Variants in HTR2C observed in about 807,000 individuals in gnomAD.
HTR2C encodes the protein 5-hydroxytryptamine (serotonin) receptor 2C, G protein-coupled.
HTR2C carries 5 observed loss-of-function variants against 21.0 expected under a neutral mutation model. The observed-to-expected ratio is 0.24, with a 90% CI of 0.12 to 0.50. The LOEUF (loss-of-function observed/expected upper bound fraction) is 0.50. Ranked by LOEUF, HTR2C falls within the 20% of genes least tolerant of loss-of-function variation. HTR2C has a pLI of 0.98. For missense variants in HTR2C, 271 were observed against 371.2 expected, an observed-to-expected ratio of 0.73 and a Z score of 2.22; for synonymous variants, 150 against 145.3, an observed-to-expected ratio of 1.03 and a Z score of -0.23.
intron 2 of HTR2C, among the ~76,000 whole-genome samples, chrX:114,716,795 G>C (rs1933006883): frequency 9.0e-6 from 1 of 111,171 alleles, no homozygotes; most frequent in African/African-American, 3.3e-5. Context: ...GATAATTTTT[G>C]AATTAAATGA....
At chrX:114,700,026 A>G (rs1314838083) in intron 2 of HTR2C, among the ~76,000 whole-genome samples, 1 of 112,040 alleles carries the variant, frequency 8.9e-6, no homozygotes, top group Non-Finnish European at 1.9e-5. Context: ...CGTAATAAAT[A>G]GATCTCTTCA....
chrX:114,692,089 T>C (rs1411694246), intron 2 of HTR2C, among the ~76,000 whole-genome samples: 8 of 112,059 alleles, frequency 7.1e-5, no homozygotes, highest in African/African-American at 2.6e-4. Flanking sequence ...CAGAAGTATT[T>C]AGTTTGACTA....
chrX:114,655,209 G>A (rs992247398), intron 2 of HTR2C, among the ~76,000 whole-genome samples: 3 of 110,882 alleles, frequency 2.7e-5, no homozygotes, highest in Non-Finnish European at 5.7e-5. Context: ...TTCTAAGAGG[G>A]TGATGTATTT....
intron 4 of HTR2C, among the ~76,000 whole-genome samples, chrX:114,806,067 C>CAT (rs1237864424): frequency 1.0e-5 from 1 of 98,267 alleles, no homozygotes; most frequent in Non-Finnish European, 2.0e-5. Flanking sequence ...ATATATACAC[C>CAT]ATATATACAC....
intron 5 of HTR2C, among the ~76,000 whole-genome samples, chrX:114,903,142 A>T (rs782548381): frequency 6.7e-4 from 74 of 110,024 alleles, no homozygotes; most frequent in Non-Finnish European, 1.1e-3. Context: ...CTTACCTTTT[A>T]TTTTTTTTTA....
At chrX:114,601,090 A>C (rs1928065352) in intron 1 of HTR2C, among the ~76,000 whole-genome samples, 1 of 112,235 alleles carries the variant, frequency 8.9e-6, no homozygotes, top group Non-Finnish European at 1.9e-5. Context: ...AAACCTATAG[A>C]ATATCCAGAA....
chrX:114,675,035 G>A (rs1470782746), intron 2 of HTR2C, among the ~76,000 whole-genome samples: 1 of 112,167 alleles, frequency 8.9e-6, no homozygotes, highest in Admixed American at 9.5e-5. Context: ...TGGGCCAGTT[G>A]CTACCTTTTG....
chrX:114,599,014 T>C (rs1205537920), intron 1 of HTR2C, among the ~76,000 whole-genome samples: 1 of 111,737 alleles, frequency 8.9e-6, no homozygotes, highest in Non-Finnish European at 1.9e-5. Flanking sequence ...CATGGTTCAC[T>C]GCCTCTTGAA....
At chrX:114,753,019 G>A (rs1556428585) in intron 4 of HTR2C, among the ~76,000 whole-genome samples, 1 of 110,665 alleles carries the variant, frequency 9.0e-6, no homozygotes, top group African/African-American at 3.3e-5. Flanking sequence ...TAATTTGATA[G>A]ACATTTATAA....
At chrX:114,788,353 C>T (rs781850727) in intron 4 of HTR2C, among the ~76,000 whole-genome samples, 50 of 110,648 alleles carry the variant, frequency 4.5e-4, no homozygotes, top group Non-Finnish European at 7.8e-4. Context: ...CTCTGCTTCC[C>T]GGGTTCAAGC....
At chrX:114,881,294 A>G (rs1183730112) in intron 5 of HTR2C, among the ~76,000 whole-genome samples, 1 of 110,834 alleles carries the variant, frequency 9.0e-6, no homozygotes, top group African/African-American at 3.3e-5. Flanking sequence ...GTCTCCCATT[A>G]TTTTAGTTGT....
chrX:114,821,696 A>T lies in HTR2C; in HGVS notation c.350-26307A>T, dbSNP rs782767853. ...AATATTTCTGAATATGTCATTAGTT[A>T]TTAAGAAGATTACTATAAAAAGCAG... is the stretch of plus-strand genomic sequence containing the variant. On this transcript the variant is annotated intron_variant, in intron 4 of 5. Coordinates refer to ENST00000276198, the MANE Select transcript of HTR2C (RefSeq NM_000868.4). 4.5e-5 allele frequency among the ~76,000 whole-genome samples: 5 copies of T among 110,964 alleles called. No individual in the cohort carries two copies. The East Asian group carries it at 1.1e-3, about 25-fold the overall frequency.
chrX:114,879,155 G>T lies in HTR2C; in HGVS notation c.551-27434G>T, dbSNP rs782180660. On this transcript the variant is annotated intron_variant, in intron 5 of 5. Transcript: ENST00000276198. ...TGTCAGTTTTTGCTTCATGTATTTT[G>T]GGGCTCTGTTAGTAGGTGCAAATAT... Among the ~76,000 whole-genome samples, 580 of 107,138 alleles carry T rather than the reference G, an allele frequency of 5.4e-3. 5 individuals carry two copies. Among genetic ancestry groups the T allele is most frequent in the African/African-American group, 0.019 (558 of 29,692 alleles). 93.0% of individuals were successfully genotyped at this position (107,138 alleles called of 115,157 possible). A position where few individuals can be genotyped will look rare whatever the true frequency, so the allele number is the denominator to read the frequency against.
chrX:114,789,286 T>A (rs781961412), intron 4 of HTR2C, among the ~76,000 whole-genome samples: 1 of 110,204 alleles, frequency 9.1e-6, no homozygotes, highest in Non-Finnish European at 1.9e-5. Context: ...GTGTAGGTCT[T>A]GTTTTGTTAC....
intron 4 of HTR2C, among the ~76,000 whole-genome samples, chrX:114,742,211 T>C (rs920800161): frequency 4.5e-5 from 5 of 111,627 alleles, no homozygotes; most frequent in African/African-American, 1.6e-4. Context: ...GGGAACCCCA[T>C]AGAGTAGACA....
intron 4 of HTR2C, among the ~76,000 whole-genome samples, chrX:114,744,456 CTT>C (rs782167644): frequency 5.4e-4 from 51 of 94,416 alleles, no homozygotes; most frequent in Non-Finnish European, 3.6e-4. Flanking sequence ...AAAGCTCATT[CTT>C]TTTTTTTTTT....
intron 2 of HTR2C, among the ~76,000 whole-genome samples, chrX:114,686,733 C>T (rs1464759776): frequency 3.6e-5 from 4 of 110,131 alleles, no homozygotes; most frequent in African/African-American, 1.3e-4. Context: ...TTACAAAATA[C>T]TTATGGCACA....
At chrX:114,677,053 G>A (rs900145447) in intron 2 of HTR2C, among the ~76,000 whole-genome samples, 6 of 111,919 alleles carry the variant, frequency 5.4e-5, no homozygotes, top group Non-Finnish European at 1.1e-4. Context: ...ACATAATATG[G>A]TTTGTGTTAG....
intron 2 of HTR2C, among the ~76,000 whole-genome samples, chrX:114,617,356 C>T (rs900820567): frequency 9.0e-6 from 1 of 111,706 alleles, no homozygotes; most frequent in Non-Finnish European, 1.9e-5. Flanking sequence ...GGGAGAATTG[C>T]TTGAGCCCAG....
Sources: gnomAD v4.1 joint callset for allele counts (sites outside exome capture counted in the v4.1 genomes callset) on GRCh38, gnomAD v4.1.1 for gene constraint, MANE v1.5 for transcripts, NCBI Gene and HGNC (gene_info 2026-07-23, HGNC 2026-07-21) for gene names.